Variants in ZNF320 observed in about 807,000 individuals in gnomAD.
The protein encoded by ZNF320 is zinc finger gene 320.
ZNF320 carries 2 observed loss-of-function variants against 6.8 expected under a neutral mutation model. That is an observed-to-expected ratio of 0.29 (90% CI 0.12 to 0.93). The LOEUF (loss-of-function observed/expected upper bound fraction) is 0.93. ZNF320 is among the 40% of genes least tolerant of loss of function. The pLI, the probability that ZNF320 is intolerant of heterozygous loss-of-function variation, is 0.55. For missense variants in ZNF320, 472 were observed against 611.0 expected, an observed-to-expected ratio of 0.77 and a Z score of 2.40; for synonymous variants, 208 against 203.2, an observed-to-expected ratio of 1.02 and a Z score of -0.20.
chr19:52,862,625 G>A, exon 6 of ZNF320: 2 of 486,462 alleles, frequency 4.1e-6, no homozygotes, highest in Non-Finnish European at 7.1e-6. Context: ...ATGGTGAATA[G>A]GCGATGCCCT....
At chr19:52,890,093 G>T in intron 4 of ZNF320, 148 bp downstream of exon 4, 1 of 1,339,088 alleles carries the variant, frequency 7.5e-7, no homozygotes, top group Non-Finnish European at 1.1e-6. Context: ...AAATCTAAGT[G>T]AGATAAGAGG....
At chr19:52,885,759 A>C (rs34101597) in intron 5 of ZNF320, among the ~76,000 whole-genome samples, 23,710 of 151,830 alleles carry the variant, frequency 0.16, 1,962 homozygotes, top group East Asian at 0.27. Flanking sequence ...ATACAAAATT[A>C]GCTGGGTGTG....
At position 52,878,277 on chromosome 19, in the gene ZNF320, T is replaced by A. The variant is rs1484151497; in HGVS notation, c.*2319A>T. Reference sequence around the variant, plus strand: ...TTTTTTTTTTTTTTTTGAGATGGAGTCTCGCTCTGTCACCCAGGCTGGAGT... The same window carrying A: ...TTTTTTTTTTTTTTTTGAGATGGAGACTCGCTCTGTCACCCAGGCTGGAGT... On this transcript the variant is annotated 3_prime_UTR_variant, in exon 6 of 6. Coordinates refer to ENST00000682928, the MANE Select transcript of ZNF320 (RefSeq NM_001351774.2). 1 of 132,860 alleles carries A rather than the reference T, an allele frequency of 7.5e-6. No individual in the cohort carries two copies. The highest frequency in any genetic ancestry group is 8.7e-5 in the Admixed American group (1 of 11,434). The allele number at this position is 132,860 out of a possible 1,614,324, so 8.2% of individuals were successfully genotyped here. A position where few individuals can be genotyped will look rare whatever the true frequency, so the allele number is the denominator to read the frequency against.
chr19:52,892,493 G>A (rs1390704429), intron 2 of ZNF320, among the ~76,000 whole-genome samples: 1 of 152,054 alleles, frequency 6.6e-6, no homozygotes, highest in Non-Finnish European at 1.5e-5. Context: ...GCTCATGCCT[G>A]TAATCCCAGC....
the ZNF320 span, among the ~76,000 whole-genome samples, chr19:52,902,930 A>G: frequency 6.6e-6 from 1 of 152,322 alleles, no homozygotes; most frequent in Non-Finnish European, 1.5e-5. Flanking sequence ...GTTTACACAC[A>G]GAATTTTCTT....
At chr19:52,886,694 G>T (rs80115979) in intron 5 of ZNF320, among the ~76,000 whole-genome samples, 1,807 of 152,226 alleles carry the variant, frequency 0.012, 18 homozygotes, top group Non-Finnish European at 0.015. Context: ...CCAGCATTTT[G>T]GGAAGCCGAA....
chr19:52,896,032 A>G (rs528850034), intron 1 of ZNF320, among the ~76,000 whole-genome samples: 11 of 152,196 alleles, frequency 7.2e-5, no homozygotes, highest in Non-Finnish European at 2.9e-5. Flanking sequence ...TTGAACTCAT[A>G]TCATAGTTGG....
downstream of ZNF320, among the ~76,000 whole-genome samples, chr19:52,860,061 C>T (rs554515827): frequency 3.3e-5 from 5 of 151,918 alleles, no homozygotes; most frequent in South Asian, 2.1e-4. Flanking sequence ...TACAGGCGCC[C>T]GCCACCACGC....
At chr19:52,903,730 G>A in the ZNF320 span, among the ~76,000 whole-genome samples, 1,593 of 151,396 alleles carry the variant, frequency 0.011, 31 homozygotes, top group African/African-American at 0.037. Flanking sequence ...GAGACAAAAT[G>A]CCATGCTCAC....
Position 52,890,221 on chromosome 19 carries a change from C to T in ZNF320, c.15+20G>A, listed in dbSNP as rs1203401598. ...CTGAAAGGAAGGAGACAGAACAATCCACCGAGAATATCATCTCACCTGAGA... is the reference window on the plus strand; with the variant it reads ...CTGAAAGGAAGGAGACAGAACAATCTACCGAGAATATCATCTCACCTGAGA... On this transcript the variant is annotated intron_variant, in intron 4 of 5. Transcript: ENST00000682928. The T allele has an allele frequency of 1.2e-6, 2 of 1,606,784 alleles. No individual in the cohort carries two copies. The highest frequency in any genetic ancestry group is 1.7e-5 in the Admixed American group (1 of 59,628).
At chr19:52,892,454 C>T (rs2064325682) in intron 2 of ZNF320, among the ~76,000 whole-genome samples, 2 of 151,268 alleles carry the variant, frequency 1.3e-5, no homozygotes, top group South Asian at 4.2e-4. Context: ...TGTTTTCAAT[C>T]AAGAAAACAT....
rs1466809624 is a variant in ZNF320 at position 52,877,267 on chromosome 19, T to C, written c.*3329A>G. ...ATTTTACAGACACACGAGACAGCAATCAGTACATATATACATTGGTCCGGT... is the reference window on the plus strand; with the variant it reads ...ATTTTACAGACACACGAGACAGCAACCAGTACATATATACATTGGTCCGGT... On this transcript the variant is annotated 3_prime_UTR_variant, in exon 6 of 6. Transcript: ENST00000682928. 1 of 152,128 alleles carries C rather than the reference T, an allele frequency of 6.6e-6. No homozygotes were observed. Among genetic ancestry groups the C allele is most frequent in the African/African-American group, 2.4e-5 (1 of 41,404 alleles). 9.4% of individuals were successfully genotyped at this position (152,128 alleles called of 1,614,324 possible).
chr19:52,871,235 T>C (rs1334853715), downstream of ZNF320, among the ~76,000 whole-genome samples: 2 of 152,164 alleles, frequency 1.3e-5, no homozygotes, highest in Non-Finnish European at 2.9e-5. Flanking sequence ...TGGGGATTGA[T>C]TGAGCCCAGG....
At chr19:52,864,452 G>A (rs1660235123) in intron 5 of ZNF320, among the ~76,000 whole-genome samples, 1 of 152,162 alleles carries the variant, frequency 6.6e-6, no homozygotes, top group South Asian at 2.1e-4. Flanking sequence ...TTATCTGGAT[G>A]AGCTAAAATA....
At chr19:52,900,259 T>C (rs2064567177), upstream of ZNF320, among the ~76,000 whole-genome samples, 1 of 152,242 alleles carries the variant, frequency 6.6e-6, no homozygotes, top group African/African-American at 2.4e-5. Flanking sequence ...AGTATGTAAC[T>C]GTTTTTGTGG....
At chr19:52,891,768 G>A (rs2064301706) in intron 2 of ZNF320, among the ~76,000 whole-genome samples, 1 of 152,158 alleles carries the variant, frequency 6.6e-6, no homozygotes, top group Non-Finnish European at 1.5e-5. Context: ...GATGTGACCT[G>A]CTTTACATTT....
chr19:52,875,462 C>T (rs2063749448), downstream of ZNF320, among the ~76,000 whole-genome samples: 1 of 152,108 alleles, frequency 6.6e-6, no homozygotes, highest in African/African-American at 2.4e-5. Context: ...GAGTCTAATC[C>T]CGTTTTTCCA....
chr19:52,889,854 C>T (rs930588501), intron 4 of ZNF320, among the ~76,000 whole-genome samples: 1 of 152,136 alleles, frequency 6.6e-6, no homozygotes, highest in African/African-American at 2.4e-5. Context: ...ATTTACCATG[C>T]ACTTTGTGCA....
the ZNF320 span, among the ~76,000 whole-genome samples, chr19:52,903,317 A>G: frequency 5.3e-5 from 8 of 152,200 alleles, no homozygotes; most frequent in African/African-American, 1.9e-4. Flanking sequence ...GACCTTGTTT[A>G]GTCTAAATTA....
Sources: gnomAD v4.1 joint callset for allele counts (sites outside exome capture counted in the v4.1 genomes callset) on GRCh38, gnomAD v4.1.1 for gene constraint, MANE v1.5 for transcripts, NCBI Gene and HGNC (gene_info 2026-07-23, HGNC 2026-07-21) for gene names.